The following C1orf198 variants were observed in gnomAD, a reference collection of about 807,000 sequenced individuals.
The protein encoded by C1orf198 is chromosome 1 open reading frame 198.
Under a neutral mutation model 31.4 loss-of-function variants are expected in C1orf198, and 17 were observed. That is an observed-to-expected ratio of 0.54 (90% confidence interval 0.37 to 0.81). The LOEUF is 0.81. Among genes scored for constraint, C1orf198 ranks in the 40% least tolerant of loss-of-function variants. C1orf198 has a pLI of 0.00. For missense variants in C1orf198, 401 were observed against 450.3 expected, an observed-to-expected ratio of 0.89 and a Z score of 0.99; for synonymous variants, 175 against 193.8, an observed-to-expected ratio of 0.90 and a Z score of 0.81.
chr1:230,853,292 T>G (rs1487204525), intron 2 of C1orf198, among the ~76,000 whole-genome samples: 1 of 152,014 alleles, frequency 6.6e-6, no homozygotes, highest in East Asian at 1.9e-4. Context: ...TAACAAGAAA[T>G]GGGGTCCAAG....
chr1:230,845,446 G>C (rs1669561846), intron 2 of C1orf198, among the ~76,000 whole-genome samples: 2 of 151,816 alleles, frequency 1.3e-5, no homozygotes, highest in Non-Finnish European at 2.9e-5. Context: ...CATTTTGGGA[G>C]GCGAGGCAGG....
intron 3 of C1orf198, among the ~76,000 whole-genome samples, chr1:230,842,567 A>T (rs1297898450): frequency 6.6e-6 from 1 of 152,144 alleles, no homozygotes; most frequent in Non-Finnish European, 1.5e-5. Context: ...TAAGAATGAC[A>T]CAATGGACTT....
intron 2 of C1orf198, among the ~76,000 whole-genome samples, chr1:230,847,806 T>A (rs139505531): frequency 1.3e-5 from 2 of 152,218 alleles, no homozygotes; most frequent in East Asian, 1.9e-4. Flanking sequence ...GGGGACAAAG[T>A]TGACTTTGAT....
intron 1 of C1orf198, among the ~76,000 whole-genome samples, chr1:230,863,936 T>C (rs1345449089): frequency 6.6e-6 from 1 of 152,152 alleles, no homozygotes; most frequent in Non-Finnish European, 1.5e-5. Context: ...AGAAAGCAAC[T>C]CCCTAATTTT....
At chr1:230,868,635 G>T, upstream of C1orf198, 2 of 750,562 alleles carry the variant, frequency 2.7e-6, no homozygotes, top group Non-Finnish European at 3.2e-6. Context: ...CCGCGTACCC[G>T]GGTCTCCAAG....
chr1:230,869,168 G>C (rs1227625625), upstream of C1orf198: 2 of 152,346 alleles, frequency 1.3e-5, no homozygotes, highest in African/African-American at 4.8e-5. Context: ...AGGCTGGACC[G>C]GTTCGGGGCA....
rs1458046051 is a variant in C1orf198 at position 230,857,829 on chromosome 1, TCAAA to T, written c.334-2115_334-2112del. On this transcript the variant is annotated intron_variant, in intron 1 of 3. Transcript: ENST00000366663. The surrounding 1 kb of genome is among the most constrained non-coding windows in gnomAD (Gnocchi z 4.2). The stretch of plus-strand genomic sequence containing the variant: ...CTGGGTTAAGCTGCATTAAAGTGTA[TCAAA>T]CAGTCAGTTCTGAGAACCACATAGT... Among the ~76,000 whole-genome samples, 27 of 152,288 alleles carry T rather than the reference TCAAA, an allele frequency of 1.8e-4. No individual in the cohort carries two copies. Among genetic ancestry groups the T allele is most frequent in the East Asian group, 5.8e-4 (3 of 5,192 alleles).
chr1:230,868,574 GCC>G, upstream of C1orf198: 1 of 907,628 alleles, frequency 1.1e-6, no homozygotes. Context: ...CCCTCGCCCC[GCC>G]CCGCGCCACC....
intron 2 of C1orf198, among the ~76,000 whole-genome samples, chr1:230,844,579 T>C (rs934615855): frequency 5.3e-5 from 8 of 152,208 alleles, no homozygotes; most frequent in Non-Finnish European, 7.3e-5. Context: ...GCTCAAGATA[T>C]CTGAGTATTA....
At position 230,857,644 on chromosome 1, in the gene C1orf198, C is replaced by G. The variant is rs1356636773; in HGVS notation, c.334-1926G>C. Among the ~76,000 whole-genome samples, 1 of 152,104 alleles carries G rather than the reference C, an allele frequency of 6.6e-6. No individual in the cohort carries two copies. Among genetic ancestry groups the G allele is most frequent in the Non-Finnish European group, 1.5e-5 (1 of 68,034 alleles). ...CTGGGGATAAAGAGCAAGGAAAACC[C>G]AGAGAGGAGACTGTCAAAAGGCCAG... On this transcript the variant is annotated intron_variant, in intron 1 of 3. Transcript: ENST00000366663. The surrounding 1 kb of genome is among the most constrained non-coding windows in gnomAD (Gnocchi z 4.2).
rs1024914483 is a variant in C1orf198, at chr1:230,863,683, T to C, written c.333+4497A>G. 2.6e-5 allele frequency among the ~76,000 whole-genome samples: 4 copies of C among 152,298 alleles called. No individual in the cohort carries two copies. In the South Asian group the frequency reaches 8.3e-4, roughly 32 times the overall value. The stretch of plus-strand genomic sequence containing the variant: ...GCTCCCAGGGCAGCAGGCCACGTGC[T>C]ACTCAGGGCAGAGAACCCACAACAT... On this transcript the variant is annotated intron_variant, in intron 1 of 3. Coordinates refer to ENST00000366663, the MANE Select transcript of C1orf198 (RefSeq NM_032800.3).
chr1:230,868,051 T>C lies in C1orf198; in HGVS notation c.333+129A>G, dbSNP rs114810066. The C allele has an allele frequency of 0.066, 44,369 of 667,332 alleles. 1,540 individuals are homozygous for C. Among genetic ancestry groups the C allele is most frequent in the Admixed American group, 0.083 (1,455 of 17,600 alleles). 41.3% of individuals were successfully genotyped at this position (667,332 alleles called of 1,614,324 possible). On this transcript the variant is annotated intron_variant, in intron 1 of 3. Coordinates refer to ENST00000366663, the MANE Select transcript of C1orf198 (RefSeq NM_032800.3). Reference sequence around the variant, plus strand: ...GCTCTGGGGCTCCCCTCCCACCCACTGCCATTCCTGCCTTTTCTTTTCCAG... The same window carrying C: ...GCTCTGGGGCTCCCCTCCCACCCACCGCCATTCCTGCCTTTTCTTTTCCAG...
chr1:230,866,617 C>T (rs1011441738), intron 1 of C1orf198, among the ~76,000 whole-genome samples: 4 of 151,984 alleles, frequency 2.6e-5, no homozygotes, highest in Non-Finnish European at 4.4e-5. Context: ...ATATTCTTAG[C>T]TGGACACCAA....
At chr1:230,866,705 TC>T (rs1275284501) in intron 1 of C1orf198, among the ~76,000 whole-genome samples, 8 of 152,248 alleles carry the variant, frequency 5.3e-5, no homozygotes, top group African/African-American at 1.9e-4. Flanking sequence ...TATTCGTGAC[TC>T]TTCCAAAGGA....
chr1:230,862,520 T>C (rs1020157661), intron 1 of C1orf198, among the ~76,000 whole-genome samples: 1 of 152,202 alleles, frequency 6.6e-6, no homozygotes, highest in African/African-American at 2.4e-5. Flanking sequence ...CAATGGAACA[T>C]TATTTAGCAA....
At chr1:230,850,614 G>A (rs530329060) in intron 2 of C1orf198, among the ~76,000 whole-genome samples, 3 of 152,274 alleles carry the variant, frequency 2.0e-5, no homozygotes, top group East Asian at 3.9e-4. Context: ...AGCAGGGAAA[G>A]GCCAAGAGCA....
intron 2 of C1orf198, among the ~76,000 whole-genome samples, chr1:230,847,303 A>C (rs533278222): frequency 3.3e-5 from 5 of 151,924 alleles, no homozygotes; most frequent in African/African-American, 4.8e-5. Context: ...GAAAAAAAAG[A>C]AACAGCCATC....
intron 2 of C1orf198, among the ~76,000 whole-genome samples, chr1:230,845,616 G>T (rs1379635192): frequency 6.6e-6 from 1 of 150,666 alleles, no homozygotes; most frequent in Non-Finnish European, 1.5e-5. Flanking sequence ...CCGGGAAGTG[G>T]AGGTTGCGGT....
At position 230,843,580 on chromosome 1, in the gene C1orf198, G is replaced by A. The variant is rs749665699; in HGVS notation, c.701C>T (p.Ala234Val). The change falls in exon 3 of 4, where the codon GCC (alanine) becomes GTC (valine). Residue 234 changes from alanine to valine, a missense_variant. Transcript: ENST00000366663. This position sits in a 1 kb window ranked among gnomAD's most constrained non-coding sequence, Gnocchi z 4.9. Reference sequence around the variant, plus strand: ...CACCTTGGCCTCCCTGTCCTTCGGGGCAGGTTCCTGCCGGTAGCAGGGAGG... The same window carrying A: ...CACCTTGGCCTCCCTGTCCTTCGGGACAGGTTCCTGCCGGTAGCAGGGAGG... ...VLPPCYRQEP[A>V]PKDREAKVER... is the part of the protein sequence containing the mutation. 5.0e-6 allele frequency: 8 copies of A among 1,614,042 alleles called. No individual in the cohort carries two copies. Among genetic ancestry groups the A allele is most frequent in the Non-Finnish European group, 5.9e-6 (7 of 1,179,998 alleles).
Sources: gnomAD v4.1 joint callset for allele counts (sites outside exome capture counted in the v4.1 genomes callset) on GRCh38, gnomAD v4.1.1 for gene constraint, Gnocchi (gnomAD v3.1) non-coding constraint, MANE v1.5 for transcripts, NCBI Gene and HGNC (gene_info 2026-07-23, HGNC 2026-07-21) for gene names.